Variants in SPAST observed in about 807,000 individuals in gnomAD.
The protein encoded by SPAST is spastic paraplegia 4 (autosomal dominant; spastin).
SPAST carries 30 observed loss-of-function variants against 76.6 expected under a neutral mutation model. The ratio of observed to expected loss-of-function variants is 0.39; its 90% CI spans 0.29 to 0.53. The LOEUF (loss-of-function observed/expected upper bound fraction) is 0.53, where lower values mean the gene tolerates loss of function less well. Ranked by LOEUF, SPAST falls within the 20% of genes least tolerant of loss-of-function variation. The probability of loss-of-function intolerance (pLI) is 0.68; values close to 1 mark genes in which losing one functional copy is unlikely to be tolerated. For synonymous variants in SPAST, 305 were observed against 281.0 expected (o/e 1.09, Z -0.86); for missense variants, 717 against 770.5 (o/e 0.93, Z 0.82).
intron 1 of SPAST, among the ~76,000 whole-genome samples, chr2:32,082,789 G>T (rs187207334): frequency 1.3e-5 from 2 of 151,754 alleles, no homozygotes. Context: ...TTTGTGTCTC[G>T]CTTCTCTCCC....
chr2:32,121,581 C>T (rs1208986603), intron 7 of SPAST, among the ~76,000 whole-genome samples: 2 of 139,546 alleles, frequency 1.4e-5, no homozygotes, highest in African/African-American at 5.4e-5. Context: ...TGCTCTGTCA[C>T]CCAGGCTGGA....
At chr2:32,085,205 CTTTT>C (rs11399879) in intron 1 of SPAST, among the ~76,000 whole-genome samples, 21 of 119,774 alleles carry the variant, frequency 1.8e-4, no homozygotes, top group African/African-American at 5.3e-4. Context: ...TCTTCTTCTT[CTTTT>C]TTTTTTTTTT....
At chr2:32,069,908 T>C (rs2148691971) in intron 1 of SPAST, among the ~76,000 whole-genome samples, 1 of 152,166 alleles carries the variant, frequency 6.6e-6, no homozygotes, top group East Asian at 1.9e-4. Flanking sequence ...TTCAGTGAAA[T>C]GGCATCAAAC....
intron 1 of SPAST, among the ~76,000 whole-genome samples, chr2:32,069,812 G>A (rs1676676776): frequency 6.6e-6 from 1 of 151,842 alleles, no homozygotes; most frequent in Non-Finnish European, 1.5e-5. Context: ...GCCCACCTTG[G>A]CCTCCCAAAG....
chr2:32,136,250 T>C (rs751360424), intron 9 of SPAST, among the ~76,000 whole-genome samples: 1 of 152,164 alleles, frequency 6.6e-6, no homozygotes, highest in Non-Finnish European at 1.5e-5. Flanking sequence ...TCTTTTTCTC[T>C]CCCCTAGTCT....
intron 15 of SPAST, among the ~76,000 whole-genome samples, chr2:32,147,016 C>T (rs928813892): frequency 7.2e-5 from 11 of 151,948 alleles, no homozygotes; most frequent in Non-Finnish European, 1.5e-4. Flanking sequence ...TGAACACTTT[C>T]CAGTTATTCC....
chr2:32,064,455 G>C (rs192235663), intron 1 of SPAST, among the ~76,000 whole-genome samples: 1 of 152,254 alleles, frequency 6.6e-6, no homozygotes, highest in Non-Finnish European at 1.5e-5. Flanking sequence ...TGTAGCTGTC[G>C]ACTTTGTTTC....
chr2:32,088,612 C>G (rs951707626), intron 2 of SPAST, among the ~76,000 whole-genome samples: 2 of 152,100 alleles, frequency 1.3e-5, no homozygotes, highest in African/African-American at 2.4e-5. Flanking sequence ...CCATTGCACT[C>G]CAGCCTGGGC....
At chr2:32,074,905 A>C (rs1215497541) in intron 1 of SPAST, among the ~76,000 whole-genome samples, 1 of 152,190 alleles carries the variant, frequency 6.6e-6, no homozygotes, top group Non-Finnish European at 1.5e-5. Flanking sequence ...ATCTTGGGCA[A>C]GTTACTTAAC....
intron 4 of SPAST, among the ~76,000 whole-genome samples, chr2:32,104,360 G>T (rs1303228900): frequency 1.3e-5 from 2 of 152,098 alleles, no homozygotes; most frequent in Non-Finnish European, 2.9e-5. Flanking sequence ...CACGTGAGAT[G>T]GGTTTCCTGA....
At chr2:32,080,916 T>C (rs1284873478) in intron 1 of SPAST, among the ~76,000 whole-genome samples, 7 of 144,778 alleles carry the variant, frequency 4.8e-5, no homozygotes, top group Non-Finnish European at 9.0e-5. Context: ...TGCCTCAGCC[T>C]CCAGAGTAGC....
rs2148746578 is a variant in SPAST, at chr2:32,128,666, G to GT, written c.1245+188dup. 3.4e-6 allele frequency: 2 copies of GT among 592,796 alleles called. 1 individual carries two copies. Among genetic ancestry groups the GT allele is most frequent in the South Asian group, 3.9e-5 (2 of 50,798 alleles). 36.7% of individuals were successfully genotyped at this position (592,796 alleles called of 1,614,324 possible). A position where few individuals can be genotyped will look rare whatever the true frequency, so the allele number is the denominator to read the frequency against. ...ATGTACATTTGTGTTGTCAAATACTGTATTAGTTTACTGGGGCCATGTAAT... is the reference window on the plus strand; with the variant it reads ...ATGTACATTTGTGTTGTCAAATACTGTTATTAGTTTACTGGGGCCATGTAAT... On this transcript the variant is annotated intron_variant, in intron 9 of 16. Coordinates refer to ENST00000315285, the MANE Select transcript of SPAST (RefSeq NM_014946.4).
intron 7 of SPAST, among the ~76,000 whole-genome samples, chr2:32,117,068 G>A (rs900208722): frequency 6.6e-6 from 1 of 151,980 alleles, no homozygotes; most frequent in Non-Finnish European, 1.5e-5. Flanking sequence ...AGACCATCCT[G>A]GCTAATATGG....
chr2:32,116,977 C>T (rs932963314), intron 7 of SPAST, among the ~76,000 whole-genome samples: 3 of 151,504 alleles, frequency 2.0e-5, no homozygotes, highest in Non-Finnish European at 2.9e-5. Context: ...AAAAACAAAA[C>T]AGGCCGGGTA....
intron 7 of SPAST, among the ~76,000 whole-genome samples, chr2:32,123,410 A>AT (rs1679083295): frequency 6.6e-6 from 1 of 152,326 alleles, no homozygotes; most frequent in Admixed American, 6.5e-5. Context: ...GAGATATTCC[A>AT]TGTAAATGGA....
chr2:32,090,347 C>T (rs1177725382), intron 3 of SPAST, among the ~76,000 whole-genome samples: 1 of 152,166 alleles, frequency 6.6e-6, no homozygotes, highest in African/African-American at 2.4e-5. Context: ...GAAAGCCTGC[C>T]ATCTTCACTT....
chr2:32,149,371 T>G (rs564536508), intron 16 of SPAST, among the ~76,000 whole-genome samples: 18 of 151,934 alleles, frequency 1.2e-4, no homozygotes, highest in African/African-American at 4.3e-4. Context: ...GTGCAAGGAT[T>G]ACAGGCGTGA....
intron 1 of SPAST, among the ~76,000 whole-genome samples, chr2:32,081,749 A>G (rs1181902388): frequency 8.3e-6 from 1 of 120,622 alleles, no homozygotes; most frequent in Non-Finnish European, 1.6e-5. Flanking sequence ...ATACCATTTC[A>G]CTCCAGCCTG....
At chr2:32,152,786 C>T (rs952329721) in intron 16 of SPAST, among the ~76,000 whole-genome samples, 2 of 151,154 alleles carry the variant, frequency 1.3e-5, no homozygotes, top group Non-Finnish European at 2.9e-5. Context: ...ATCACTCTGT[C>T]TCCCAGGCTG....
Sources: allele counts gnomAD v4.1 joint callset (sites outside exome capture counted in the v4.1 genomes callset), GRCh38; gene constraint gnomAD v4.1.1; transcripts MANE v1.5; gene names NCBI Gene and HGNC (gene_info 2026-07-23, HGNC 2026-07-21).